Variants in TRHDE observed in about 807,000 individuals in gnomAD.
TRHDE encodes thyrotropin releasing hormone degrading enzyme.
Under a neutral mutation model 125.7 loss-of-function variants are expected in TRHDE, and 72 were observed. The observed-to-expected ratio is 0.57, with a 90% CI of 0.47 to 0.70. The LOEUF (loss-of-function observed/expected upper bound fraction) is 0.70, where lower values mean the gene tolerates loss of function less well. TRHDE is among the 30% of genes least tolerant of loss of function. The probability of loss-of-function intolerance (pLI) is 0.00; values close to 1 mark genes in which losing one functional copy is unlikely to be tolerated. For missense variants in TRHDE, 1,110 were observed against 1,327.1 expected, an observed-to-expected ratio of 0.84 and a Z score of 2.54; for synonymous variants, 509 against 509.1, an observed-to-expected ratio of 1.00 and a Z score of 0.00.
In TRHDE at chr12:72,285,082, A is replaced by G. The variant is rs151064989; in HGVS notation, c.915-1599A>G. Among the ~76,000 whole-genome samples, 25 of 152,052 alleles carry G rather than the reference A, an allele frequency of 1.6e-4. No homozygotes were observed. In the East Asian group the frequency reaches 4.8e-3, roughly 29 times the overall value. On this transcript the variant is annotated intron_variant, in intron 1 of 18. Transcript: ENST00000261180. ...TTTATTTTTCTCTATTCTAAAACTA[A>G]GCTTTAAAAAATGAGGCCCTCAATG...
At chr12:72,124,080 T>C (rs139863609) in intron 2 of TRHDE, among the ~76,000 whole-genome samples, 1 of 152,172 alleles carries the variant, frequency 6.6e-6, no homozygotes, top group Non-Finnish European at 1.5e-5. Context: ...ACAAAACCAC[T>C]GTGAGATTCA....
chr12:72,414,189 A>G (rs1873632799), intron 3 of TRHDE, among the ~76,000 whole-genome samples: 1 of 152,112 alleles, frequency 6.6e-6, no homozygotes, highest in Admixed American at 6.6e-5. Flanking sequence ...ATGAAAAAAT[A>G]TTTGTATGAC....
intron 3 of TRHDE, among the ~76,000 whole-genome samples, chr12:72,414,237 C>T (rs924622868): frequency 5.3e-5 from 8 of 151,984 alleles, no homozygotes; most frequent in Admixed American, 6.6e-5. Flanking sequence ...TATAAACTGA[C>T]GAGTTTTTAA....
At chr12:72,131,502 T>A (rs1376740436) in intron 2 of TRHDE, among the ~76,000 whole-genome samples, 3 of 152,224 alleles carry the variant, frequency 2.0e-5, no homozygotes, top group African/African-American at 7.2e-5. Context: ...CCTTTTCCCA[T>A]ATATCTTTTG....
intron 6 of TRHDE, among the ~76,000 whole-genome samples, chr12:72,500,346 G>T (rs1486737648): frequency 1.3e-5 from 2 of 152,032 alleles, no homozygotes; most frequent in Non-Finnish European, 1.5e-5. Context: ...ATCAAAGTCT[G>T]CTGTGATTTT....
intron 2 of TRHDE, among the ~76,000 whole-genome samples, chr12:72,135,959 A>G (rs1875976286): frequency 6.6e-6 from 1 of 151,792 alleles, no homozygotes; most frequent in Non-Finnish European, 1.5e-5. Context: ...CTGCTCTTCT[A>G]CTTTTGCTGC....
chr12:72,668,152 T>A lies in TRHDE; in HGVS notation c.*4957T>A, dbSNP rs1205317210. 1.3e-5 allele frequency: 2 copies of A among 151,740 alleles called. No individual in the cohort carries two copies. The highest frequency in any genetic ancestry group is 4.8e-5 in the African/African-American group (2 of 41,426). The allele number at this position is 151,740 out of a possible 1,614,324, so 9.4% of individuals were successfully genotyped here. ...GCTTTGAACTAATGATGAAGTTTTTTAAAATATTAAGTATTTTATTTAATG... is the reference window on the plus strand; with the variant it reads ...GCTTTGAACTAATGATGAAGTTTTTAAAAATATTAAGTATTTTATTTAATG... On this transcript the variant is annotated 3_prime_UTR_variant, in exon 19 of 19. Transcript: ENST00000261180.
At chr12:72,658,176 A>G (rs563769589) in intron 18 of TRHDE, among the ~76,000 whole-genome samples, 1 of 152,328 alleles carries the variant, frequency 6.6e-6, no homozygotes, top group South Asian at 2.1e-4. Flanking sequence ...TGAAAGCCCC[A>G]GAACATATTT....
At chr12:72,203,515 A>T (rs187856815) in intron 2 of TRHDE, among the ~76,000 whole-genome samples, 16 of 152,262 alleles carry the variant, frequency 1.1e-4, no homozygotes, top group African/African-American at 3.8e-4. Context: ...ATGGTGCAGC[A>T]TGTGGGAGCG....
intron 2 of TRHDE, among the ~76,000 whole-genome samples, chr12:72,152,722 A>C (rs1272170693): frequency 6.6e-5 from 10 of 152,244 alleles, no homozygotes; most frequent in Non-Finnish European, 1.2e-4. Flanking sequence ...ATGTTGAACC[A>C]GCCTTGCATC....
At chr12:72,099,969 T>C (rs1346675410) in intron 1 of TRHDE, among the ~76,000 whole-genome samples, 1 of 152,232 alleles carries the variant, frequency 6.6e-6, no homozygotes, top group Non-Finnish European at 1.5e-5. Context: ...GAGATTTCTG[T>C]AGGTAGTAAA....
intron 2 of TRHDE, among the ~76,000 whole-genome samples, chr12:72,170,968 A>G (rs762231774): frequency 9.2e-5 from 14 of 152,196 alleles, no homozygotes; most frequent in African/African-American, 2.4e-5. Flanking sequence ...GTAATGGGAA[A>G]GAATCCTCCA....
chr12:72,123,287 A>G (rs1875634941), intron 2 of TRHDE, among the ~76,000 whole-genome samples: 1 of 152,152 alleles, frequency 6.6e-6, no homozygotes. Flanking sequence ...TGGAAGATTA[A>G]TCCTAGGGAG....
At chr12:72,116,013 C>G (rs1466552338) in intron 2 of TRHDE, among the ~76,000 whole-genome samples, 1 of 152,160 alleles carries the variant, frequency 6.6e-6, no homozygotes, top group East Asian at 1.9e-4. Flanking sequence ...TCCCTTTCCC[C>G]CACTTACCCT....
At chr12:72,360,550 C>A (rs550899189) in intron 2 of TRHDE, among the ~76,000 whole-genome samples, 84 of 151,874 alleles carry the variant, frequency 5.5e-4, no homozygotes, top group Middle Eastern at 3.4e-3. Context: ...AACACTATTT[C>A]ATACCCATTG....
At chr12:72,399,773 T>C (rs188189625) in intron 3 of TRHDE, among the ~76,000 whole-genome samples, 3 of 152,280 alleles carry the variant, frequency 2.0e-5, no homozygotes, top group Non-Finnish European at 4.4e-5. Context: ...TAAAGTGTAG[T>C]TATTCTTGTA....
intron 2 of TRHDE, among the ~76,000 whole-genome samples, chr12:72,164,915 CA>C (rs1876712161): frequency 6.6e-6 from 1 of 152,184 alleles, no homozygotes; most frequent in Admixed American, 6.5e-5. Flanking sequence ...AACACACATT[CA>C]GGGGCACCTG....
At chr12:72,648,545 T>A (rs1455005471) in intron 15 of TRHDE, among the ~76,000 whole-genome samples, 2 of 152,172 alleles carry the variant, frequency 1.3e-5, no homozygotes, top group African/African-American at 4.8e-5. Context: ...AAATTCAGTA[T>A]ATTTTCAGGA....
At chr12:72,128,835 G>A (rs1334818782) in intron 2 of TRHDE, among the ~76,000 whole-genome samples, 1 of 152,114 alleles carries the variant, frequency 6.6e-6, no homozygotes, top group East Asian at 1.9e-4. Flanking sequence ...GGTCTCTAAA[G>A]TAAACAGGGG....
Sources: gnomAD v4.1 joint callset for allele counts (sites outside exome capture counted in the v4.1 genomes callset) on GRCh38, gnomAD v4.1.1 for gene constraint, MANE v1.5 for transcripts, NCBI Gene and HGNC (gene_info 2026-07-23, HGNC 2026-07-21) for gene names.